The following PGLS variants were observed in gnomAD, a reference collection of about 807,000 sequenced individuals.
PGLS encodes 6-phosphogluconolactonase, also known as epididymis secretory protein Li 304.
Under a neutral mutation model 23.2 loss-of-function variants are expected in PGLS, and 21 were observed. The ratio of observed to expected loss-of-function variants is 0.91; its 90% CI spans 0.64 to 1.31. PGLS has a LOEUF of 1.31. PGLS is among the 50% of genes most tolerant of loss of function. The pLI is 0.00. For synonymous variants in PGLS, 179 were observed against 165.4 expected (o/e 1.08, Z -0.63); for missense variants, 410 against 354.0 (o/e 1.16, Z -1.27).
chr19:17,518,887 T>G (rs1419917667), intron 4 of PGLS, among the ~76,000 whole-genome samples: 4 of 152,140 alleles, frequency 2.6e-5, no homozygotes, highest in African/African-American at 9.7e-5. Flanking sequence ...CAGGCCATGC[T>G]TATCATCCCA....
intron 1 of PGLS, among the ~76,000 whole-genome samples, chr19:17,514,365 T>TGGGG (rs560684051): frequency 3.8e-4 from 58 of 152,288 alleles, no homozygotes; most frequent in African/African-American, 1.2e-3. Flanking sequence ...CCCACACTAA[T>TGGGG]CCACTATGAC....
At position 17,511,889 on chromosome 19, in the gene PGLS, T is replaced by C; in HGVS notation, c.217T>C (p.Trp73Arg). Reference protein sequence around the residue: ...APAGPASLARWTLGFCDERLV... With the variant: ...APAGPASLARRTLGFCDERLV... ...TGCCGGGCCAGCTAGCTTAGCGCGC[T>C]GGACGCTGGGCTTCTGCGACGAGCG... Residue 73 changes from tryptophan (W) to arginine (R), a missense_variant, in exon 1 of 5, where the codon TGG (tryptophan) becomes CGG (arginine). Coordinates refer to ENST00000252603, the MANE Select transcript of PGLS (RefSeq NM_012088.3). The C allele has an allele frequency of 6.5e-7, 1 of 1,542,050 alleles. No homozygotes were observed. The highest frequency in any genetic ancestry group is 8.7e-7 in the Non-Finnish European group (1 of 1,145,150).
intron 1 of PGLS, chr19:17,512,808 C>G (rs1170802940): frequency 6.6e-6 from 1 of 152,214 alleles, no homozygotes; most frequent in African/African-American, 2.4e-5. Flanking sequence ...GGTGTGCCGT[C>G]TTCTCTTTGC....
chr19:17,520,820 C>G, intron 4 of PGLS, 124 bp from the exon 5 acceptor site: 1 of 1,067,576 alleles, frequency 9.4e-7, no homozygotes, highest in Non-Finnish European at 1.3e-6. Flanking sequence ...GACAGCTGAG[C>G]TGGGCATTGT....
intron 1 of PGLS, chr19:17,512,205 C>T (rs2144640113): frequency 3.9e-6 from 2 of 515,196 alleles, no homozygotes; most frequent in East Asian, 3.7e-5. Flanking sequence ...CTACGGGGGC[C>T]ACTGGGGGTC....
intron 4 of PGLS, among the ~76,000 whole-genome samples, chr19:17,519,326 A>G (rs2075547194): frequency 6.6e-6 from 1 of 151,734 alleles, no homozygotes; most frequent in Non-Finnish European, 1.5e-5. Context: ...AAAAAAAAAA[A>G]AAATCAAATG....
Position 17,519,861 on chromosome 19 carries a change from C to G in PGLS, c.640-1083C>G, listed in dbSNP as rs148660097. On this transcript the variant is annotated intron_variant, in intron 4 of 4. Transcript: ENST00000252603. ...TCTTTTGCTGAAAAAGGGTGCCAACCGCAGTATTAAACAGTTACAGACCAG... is the reference window on the plus strand; with the variant it reads ...TCTTTTGCTGAAAAAGGGTGCCAACGGCAGTATTAAACAGTTACAGACCAG... 1.4e-3 allele frequency among the ~76,000 whole-genome samples: 209 copies of G among 152,204 alleles called. 1 individual carries two copies. The East Asian group carries it at 0.025, about 18-fold the overall frequency.
intron 1 of PGLS, chr19:17,515,952 C>T (rs1370238910): frequency 1.1e-5 from 5 of 445,070 alleles, no homozygotes; most frequent in South Asian, 2.2e-5. Context: ...TGACAGGCGG[C>T]GTCACCCAGG....
intron 4 of PGLS, among the ~76,000 whole-genome samples, chr19:17,519,024 A>T (rs1255201097): frequency 6.6e-6 from 1 of 152,090 alleles, no homozygotes. Flanking sequence ...TCCAAAAAAA[A>T]TAAATCAGGC....
At chr19:17,514,240 C>T (rs908682874) in intron 1 of PGLS, among the ~76,000 whole-genome samples, 11 of 152,088 alleles carry the variant, frequency 7.2e-5, no homozygotes, top group African/African-American at 1.2e-4. Flanking sequence ...GGGCTCTGGG[C>T]GTTCCTTGGC....
chr19:17,512,709 TGGCCGAG>T (rs1471641182), intron 1 of PGLS: 3 of 152,022 alleles, frequency 2.0e-5, no homozygotes, highest in Non-Finnish European at 4.4e-5. Context: ...AGCCTTGGCC[TGGCCGAG>T]GGAAGAGTGG....
Position 17,511,725 on chromosome 19 carries a change from T to A in PGLS, c.53T>A (p.Leu18Gln). 4.6e-6 allele frequency: 7 copies of A among 1,508,764 alleles called. No homozygotes were observed. The highest frequency in any genetic ancestry group is 6.2e-6 in the Non-Finnish European group (7 of 1,135,472). The allele number at this position is 1,508,764 out of a possible 1,614,324, so 93.5% of individuals were successfully genotyped here. The stretch of plus-strand genomic sequence containing the variant: ...TCGGTGTTCTCGAGTTCCCAGGAGC[T>A]GGGTGCGGCGCTAGCGCAGCTGGTG... ...LISVFSSSQE[L>Q]GAALAQLVAQ... is the part of the protein sequence containing the mutation. The change falls in exon 1 of 5, where the codon CTG (leucine) becomes CAG (glutamine). Residue 18 changes from leucine to glutamine, a missense_variant. Transcript: ENST00000252603.
In PGLS at chr19:17,517,284, C is replaced by G. The variant is rs777430881; in HGVS notation, c.397-4C>G. ...TCTCAAGGCTGTCTTCTCCCCACGC[C>G]CAGGCATTCCAAGGGGACTCCATCC... is the stretch of plus-strand genomic sequence containing the variant. On this transcript the variant is annotated splice_region_variant and splice_polypyrimidine_tract_variant and intron_variant, in intron 2 of 4. Transcript: ENST00000252603. 3.1e-6 allele frequency: 5 copies of G among 1,610,276 alleles called. No individual in the cohort carries two copies. The highest frequency in any genetic ancestry group is 1.7e-4 in the Middle Eastern group (1 of 6,056).
Position 17,521,012 on chromosome 19 carries a change from G to C in PGLS, c.708G>C (p.Leu236=). 1.2e-6 allele frequency: 2 copies of C among 1,601,640 alleles called. No individual in the cohort carries two copies. The highest frequency in any genetic ancestry group is 2.7e-5 in the African/African-American group (2 of 74,740). Residue 236 remains leucine (L), a synonymous_variant, in exon 5 of 5, where the codon CTG becomes CTC. Coordinates refer to ENST00000252603, the MANE Select transcript of PGLS (RefSeq NM_012088.3). ...AALVQPHTGK[L]CWFLDEAAAR... ...TGGTCCAGCCCCACACCGGGAAACTGTGCTGGTTCTTGGACGAGGCGGCCG... is the reference window on the plus strand; with the variant it reads ...TGGTCCAGCCCCACACCGGGAAACTCTGCTGGTTCTTGGACGAGGCGGCCG...
chr19:17,517,686 C>T (rs369881356), intron 3 of PGLS, 24 bp from the exon 4 acceptor site: 638 of 1,613,538 alleles, frequency 4.0e-4, no homozygotes, highest in Non-Finnish European at 4.8e-4. Context: ...CCTTCTGCCT[C>T]CATCCCTGGG....
chr19:17,521,202 A>G lies in PGLS; in HGVS notation c.*121A>G. On this transcript the variant is annotated 3_prime_UTR_variant, in exon 5 of 5. Coordinates refer to ENST00000252603, the MANE Select transcript of PGLS (RefSeq NM_012088.3). ...CACGTCGTGCTGCTGCTGGAAGCCA[A>G]CAGCCTCCGGCCAGCAGCCCTACCC... is the stretch of plus-strand genomic sequence containing the variant. The G allele has an allele frequency of 9.5e-7, 1 of 1,055,186 alleles. No individual in the cohort carries two copies. Among genetic ancestry groups the G allele is most frequent in the South Asian group, 1.7e-5 (1 of 57,902 alleles). 65.4% of individuals were successfully genotyped at this position (1,055,186 alleles called of 1,614,324 possible). A position where few individuals can be genotyped will look rare whatever the true frequency, so the allele number is the denominator to read the frequency against.
intron 4 of PGLS, among the ~76,000 whole-genome samples, chr19:17,519,649 C>T (rs970697251): frequency 2.0e-5 from 3 of 152,080 alleles, no homozygotes; most frequent in Admixed American, 2.0e-4. Flanking sequence ...ATCCGCCCCC[C>T]TCGGCCTCCC....
intron 4 of PGLS, chr19:17,518,328 C>A: frequency 6.6e-6 from 1 of 151,748 alleles, no homozygotes. Context: ...AGAAAAGCTC[C>A]TGACAAGGCT....
intron 2 of PGLS, chr19:17,516,484 C>T: frequency 7.2e-7 from 1 of 1,382,672 alleles, no homozygotes; most frequent in Non-Finnish European, 9.4e-7. Context: ...GGTAACAGGC[C>T]TGGGTCCTCA....
Sources: allele counts gnomAD v4.1 joint callset (sites outside exome capture counted in the v4.1 genomes callset), GRCh38; gene constraint gnomAD v4.1.1; transcripts MANE v1.5; gene names NCBI Gene and HGNC (gene_info 2026-07-23, HGNC 2026-07-21).